The following SLC5A11 variants were observed in gnomAD, a reference collection of about 807,000 sequenced individuals.
SLC5A11 encodes sodium/myo-inositol cotransporter 2.
Under a neutral mutation model 69.8 loss-of-function variants are expected in SLC5A11, and 48 were observed. The ratio of observed to expected loss-of-function variants is 0.69; its 90% confidence interval spans 0.55 to 0.87. SLC5A11 has a LOEUF of 0.87. Ranked by LOEUF, SLC5A11 falls within the 40% of genes least tolerant of loss-of-function variation. The pLI is 0.00. For synonymous variants in SLC5A11, 319 were observed against 342.4 expected (o/e 0.93, Z 0.75); for missense variants, 784 against 866.1 (o/e 0.91, Z 1.19).
At chr16:24,862,980 T>C (rs1318065950) in intron 3 of SLC5A11, among the ~76,000 whole-genome samples, 2 of 131,970 alleles carry the variant, frequency 1.5e-5, no homozygotes, top group Admixed American at 8.2e-5. Flanking sequence ...AATATATAAT[T>C]ATATAATATA....
At position 24,879,660 on chromosome 16, in the gene SLC5A11, G is replaced by A. The variant is rs541607358; in HGVS notation, c.583+2297G>A. Among the ~76,000 whole-genome samples, 6 of 152,174 alleles carry A rather than the reference G, an allele frequency of 3.9e-5. No individual in the cohort carries two copies. The South Asian group carries it at 8.3e-4, about 21-fold the overall frequency. On this transcript the variant is annotated intron_variant, in intron 7 of 15. Coordinates refer to ENST00000347898, the Ensembl canonical transcript of SLC5A11. Reference sequence around the variant, plus strand: ...GCTGAGGCAGGAGAATCTCTTGAACGCAGGAGGCAGAGGTTGCAAGGTTGC... The same window carrying A: ...GCTGAGGCAGGAGAATCTCTTGAACACAGGAGGCAGAGGTTGCAAGGTTGC...
chr16:24,862,547 AT>A (rs1338613357), intron 2 of SLC5A11, 53 bp from the exon 4 acceptor site: 1 of 1,512,008 alleles, frequency 6.6e-7, no homozygotes, highest in Non-Finnish European at 9.2e-7. Flanking sequence ...CCATTTTGAG[AT>A]GCCTCTGATT....
chr16:24,884,508 A>AT (rs1597162350), intron 8 of SLC5A11, among the ~76,000 whole-genome samples: 2 of 72,172 alleles, frequency 2.8e-5, no homozygotes, highest in African/African-American at 5.7e-5. Context: ...TTGCTTTTTT[A>AT]TTTTGTTTTT....
At chr16:24,911,190 A>C (rs1198085442) in intron 15 of SLC5A11, 138 bp from the exon 17 acceptor site, 4 of 616,836 alleles carry the variant, frequency 6.5e-6, no homozygotes, top group South Asian at 2.1e-5. Context: ...AAAAAAAGGG[A>C]GATTTCAGTC....
At chr16:24,851,028 C>G (rs2059280233) in intron 1 of SLC5A11, among the ~76,000 whole-genome samples, 1 of 151,310 alleles carries the variant, frequency 6.6e-6, no homozygotes, top group Admixed American at 6.6e-5. Flanking sequence ...CCAGGCTGGT[C>G]TCGAACTCTG....
At chr16:24,863,127 T>C (rs2046708383) in intron 3 of SLC5A11, among the ~76,000 whole-genome samples, 1 of 147,074 alleles carries the variant, frequency 6.8e-6, no homozygotes, top group South Asian at 2.1e-4. Flanking sequence ...TGTAAATATA[T>C]ATGTATAATC....
Position 24,911,321 on chromosome 16 carries a change from T to C in SLC5A11, c.1823-7T>C, listed in dbSNP as rs377661201. 1.9e-5 allele frequency: 30 copies of C among 1,613,818 alleles called. No homozygotes were observed. The African/African-American group carries it at 2.8e-4, about 15-fold the overall frequency. On this transcript the variant is annotated splice_region_variant and splice_polypyrimidine_tract_variant and intron_variant, in intron 15 of 15. Transcript: ENST00000347898. Reference sequence around the variant, plus strand: ...TCTACGGTCTTCCTTTGCTGGGTTCTTTCTAGGTGACATGACCCCAAAGCA... The same window carrying C: ...TCTACGGTCTTCCTTTGCTGGGTTCCTTCTAGGTGACATGACCCCAAAGCA...
chr16:24,871,973 C>T (rs2047330690), intron 4 of SLC5A11, among the ~76,000 whole-genome samples, 187 bp from the exon 6 acceptor site: 1 of 152,124 alleles, frequency 6.6e-6, no homozygotes, highest in Non-Finnish European at 1.5e-5. Context: ...TCTCCTCTTC[C>T]TTCCCGAATC....
At chr16:24,879,881 G>C (rs547529039) in intron 7 of SLC5A11, among the ~76,000 whole-genome samples, 1 of 152,146 alleles carries the variant, frequency 6.6e-6, no homozygotes, top group East Asian at 1.9e-4. Context: ...GTAGTATTTC[G>C]TGGTATATCT....
intron 2 of SLC5A11, among the ~76,000 whole-genome samples, chr16:24,861,651 GAAGA>G (rs958704374): frequency 7.9e-6 from 1 of 126,678 alleles, no homozygotes; most frequent in African/African-American, 3.0e-5. Flanking sequence ...GGGACAAGAA[GAAGA>G]AAGAAAAAGA....
intron 1 of SLC5A11, among the ~76,000 whole-genome samples, chr16:24,855,771 C>T (rs968634696): frequency 4.6e-5 from 7 of 152,162 alleles, no homozygotes; most frequent in African/African-American, 1.7e-4. Context: ...CAAGCAAGTG[C>T]CACCTATGAG....
rs755246793 is a variant in SLC5A11 at position 24,908,119 on chromosome 16, G to A, written c.1422G>A (p.Arg474=). 3.8e-6 allele frequency: 6 copies of A among 1,594,106 alleles called. No homozygotes were observed. In the South Asian group the frequency reaches 4.5e-5, roughly 12 times the overall value. ...TCATCATGGGATGTTTCTGGAAGAG[G>A]ACCAATGAAAAGGTAGCTCTGGATG... is the stretch of plus-strand genomic sequence containing the variant. The change falls in exon 13 of 16, where the codon AGG becomes AGA. Residue 474 remains arginine, a synonymous_variant. Transcript: ENST00000347898.
At chr16:24,904,267 C>T (rs1011909417) in intron 10 of SLC5A11, among the ~76,000 whole-genome samples, 1 of 152,076 alleles carries the variant, frequency 6.6e-6, no homozygotes, top group African/African-American at 2.4e-5. Flanking sequence ...GGATATATGC[C>T]CAGTAGCAAA....
intron 3 of SLC5A11, among the ~76,000 whole-genome samples, chr16:24,868,287 CAAAAAA>C (rs374049168): frequency 7.7e-6 from 1 of 129,070 alleles, no homozygotes; most frequent in Non-Finnish European, 1.7e-5. Flanking sequence ...CAGATTCTTC[CAAAAAA>C]AAAAAAAAAA....
chr16:24,868,564 A>G (rs2047067067), intron 3 of SLC5A11, among the ~76,000 whole-genome samples: 1 of 147,368 alleles, frequency 6.8e-6, no homozygotes, highest in East Asian at 2.0e-4. Flanking sequence ...ACACCACTGC[A>G]CTCCAGCCTG....
chr16:24,871,930 C>T (rs1289711316), intron 4 of SLC5A11, among the ~76,000 whole-genome samples: 1 of 152,118 alleles, frequency 6.6e-6, no homozygotes, highest in Non-Finnish European at 1.5e-5. Context: ...AGACACAGAA[C>T]TAGGAAGCAT....
chr16:24,891,645 T>C (rs1567660348), intron 9 of SLC5A11, among the ~76,000 whole-genome samples: 1 of 152,098 alleles, frequency 6.6e-6, no homozygotes, highest in Non-Finnish European at 1.5e-5. Context: ...GCTTAATGTA[T>C]GAGAATATCC....
chr16:24,908,046 A>G (rs1256892722), exon 13 of SLC5A11: 1 of 1,613,554 alleles, frequency 6.2e-7, no homozygotes, highest in East Asian at 2.2e-5. Flanking sequence ...CTCTTCATCT[A>G]TATCCAGTCC....
chr16:24,872,903 C>T (rs12929553), intron 5 of SLC5A11, among the ~76,000 whole-genome samples: 21,789 of 117,606 alleles, frequency 0.19, 2,066 homozygotes, highest in Non-Finnish European at 0.21. Context: ...TTTGGGAGGC[C>T]AAGGCAGGCA....
Sources: gnomAD v4.1 joint callset for allele counts (sites outside exome capture counted in the v4.1 genomes callset) on GRCh38, gnomAD v4.1.1 for gene constraint, MANE v1.5 for transcripts, NCBI Gene and HGNC (gene_info 2026-07-23, HGNC 2026-07-21) for gene names.